DSG1: variants seen among roughly 807,000 people sequenced by gnomAD.
DSG1 encodes the protein desmoglein 1, also known as desmoglein-1.
A neutral mutation model predicts 97.5 loss-of-function variants in DSG1; 39 were observed. That is an observed-to-expected ratio of 0.40 (90% confidence interval 0.31 to 0.52). DSG1 has a LOEUF of 0.52. Ranked by LOEUF, DSG1 falls within the 20% of genes least tolerant of loss-of-function variation. The probability of loss-of-function intolerance (pLI) is 0.53; values close to 1 mark genes in which losing one functional copy is unlikely to be tolerated. For synonymous variants in DSG1, 475 were observed against 443.4 expected (o/e 1.07, Z -0.90); for missense variants, 1,311 against 1,295.4 (o/e 1.01, Z -0.18).
rs2071687647 is a variant in DSG1 at position 31,326,655 on chromosome 18, A to T, written c.84+39A>T. On this transcript the variant is annotated intron_variant, in intron 2 of 14. Coordinates refer to ENST00000257192, the MANE Select transcript of DSG1 (RefSeq NM_001942.4). ...AATCCATTTTTCCAAATTTTTAAAC[A>T]AGAAAATAATTTGAGAATAACAATA... The T allele has an allele frequency of 2.6e-6, 4 of 1,528,640 alleles. No homozygotes were observed. The East Asian group carries it at 9.0e-5, about 34-fold the overall frequency. 94.7% of individuals were successfully genotyped at this position (1,528,640 alleles called of 1,614,324 possible).
At chr18:31,323,847 T>C (rs972049729) in intron 1 of DSG1, among the ~76,000 whole-genome samples, 1 of 152,122 alleles carries the variant, frequency 6.6e-6, no homozygotes, top group Non-Finnish European at 1.5e-5. Context: ...TCAACTTTTT[T>C]ACCTCATCTC....
At chr18:31,337,626 C>T (rs1457310684) in intron 9 of DSG1, among the ~76,000 whole-genome samples, 1 of 152,170 alleles carries the variant, frequency 6.6e-6, no homozygotes, top group East Asian at 1.9e-4. Flanking sequence ...GAAGTCCTGT[C>T]ACACTGTACC....
chr18:31,334,038 A>G lies in DSG1; in HGVS notation c.841A>G (p.Asn281Asp), dbSNP rs1411533388. 6.2e-7 allele frequency: 1 copy of G among 1,609,360 alleles called. No homozygotes were observed. Among genetic ancestry groups the G allele is most frequent in the Admixed American group, 1.7e-5 (1 of 59,994 alleles). ...TCAGTATACCATAGAAATTCAAGAA[A>G]ATACTCTAAATTCAAATTTGCTCGA... ...QSSYTIEIQE[N>D]TLNSNLLEIR... Residue 281 changes from asparagine (N) to aspartate (D), a missense_variant, in exon 8 of 15, where the codon AAT becomes GAT. Transcript: ENST00000257192.
chr18:31,357,509 T>C lies in DSG1; in HGVS notation c.*2163T>C, dbSNP rs543641190. ...ACAGGAAACTTGCTTACTGTTTTGA[T>C]ATGAAATATCATCACAAGCTTTTCT... On this transcript the variant is annotated 3_prime_UTR_variant, in exon 15 of 15. Transcript: ENST00000257192. Among the ~76,000 whole-genome samples the C allele has an allele frequency of 6.6e-6, 1 of 152,190 alleles. No individual in the cohort carries two copies. The highest frequency in any genetic ancestry group is 6.5e-5 in the Admixed American group (1 of 15,292).
Position 31,338,412 on chromosome 18 carries a change from A to G in DSG1, c.1363A>G (p.Met455Val), listed in dbSNP as rs367878087. The part of the protein sequence containing the change: ...KNKVTKEQYN[M>V]LGGKYQGTIL... ...TAAAGTTACCAAGGAACAGTACAAT[A>G]TGCTCGGAGGAAAATACCAAGGAAC... Residue 455 changes from methionine to valine, a missense_variant, in exon 10 of 15, where the codon ATG (methionine) becomes GTG (valine). Physicochemically the swap from Met to Val is conservative, Grantham distance 21. This residue lies in a region of DSG1 where 1,038 missense variants were observed against 964.6 expected (regional missense o/e 1.08). Transcript: ENST00000257192. 7 of 1,613,594 alleles carry G rather than the reference A, an allele frequency of 4.3e-6. No homozygotes were observed. The highest frequency in any genetic ancestry group is 5.1e-6 in the Non-Finnish European group (6 of 1,179,718).
chr18:31,352,925 A>G (rs199818435), intron 14 of DSG1, among the ~76,000 whole-genome samples: 24,631 of 113,334 alleles, frequency 0.22, 1,612 homozygotes, highest in East Asian at 0.42. Flanking sequence ...ATGTCCTCCC[A>G]TAGCTCAGAG....
chr18:31,331,532 A>T (rs1026601765), intron 5 of DSG1, among the ~76,000 whole-genome samples, 169 bp from the exon 6 acceptor site: 1 of 152,102 alleles, frequency 6.6e-6, no homozygotes. Context: ...TTAGGCAAAG[A>T]TATAGAAAAG....
At chr18:31,343,286 CT>C (rs1162200175) in intron 11 of DSG1, 163 bp from the exon 12 acceptor site, 1 of 954,250 alleles carries the variant, frequency 1.0e-6, no homozygotes, top group Non-Finnish European at 1.7e-6. Flanking sequence ...CTCCCATTTA[CT>C]TTGGGGTCTG....
At chr18:31,322,874 A>C (rs530398530) in intron 1 of DSG1, among the ~76,000 whole-genome samples, 13 of 152,306 alleles carry the variant, frequency 8.5e-5, no homozygotes, top group African/African-American at 2.9e-4. Context: ...GGAAGCATGA[A>C]CTTCAATATT....
At chr18:31,324,618 T>G (rs762080011) in intron 1 of DSG1, among the ~76,000 whole-genome samples, 1 of 152,122 alleles carries the variant, frequency 6.6e-6, no homozygotes, top group Non-Finnish European at 1.5e-5. Flanking sequence ...AAAACTGCCA[T>G]CCCCTGAGCT....
chr18:31,324,117 G>A (rs560451573), intron 1 of DSG1, among the ~76,000 whole-genome samples: 1 of 151,006 alleles, frequency 6.6e-6, no homozygotes, highest in African/African-American at 2.4e-5. Context: ...CCAAGTAGCT[G>A]GGACTACAGG....
chr18:31,318,656 T>C (rs1210090393), intron 1 of DSG1, among the ~76,000 whole-genome samples: 4 of 152,046 alleles, frequency 2.6e-5, no homozygotes, highest in African/African-American at 9.7e-5. Flanking sequence ...ACTTTGTCGT[T>C]CAAAATCTCT....
rs775246293 is a variant in DSG1, at chr18:31,336,498, G to C, written c.1150G>C (p.Val384Leu). The C allele has an allele frequency of 5.0e-6, 8 of 1,613,934 alleles. No homozygotes were observed. The highest frequency in any genetic ancestry group is 6.8e-6 in the Non-Finnish European group (8 of 1,179,960). ...TGTGTTAAATGTAATTGAAGGCCCA[G>C]TGTTTCGTCCAGGTTCAAAGACATA... ...VTVLNVIEGP[V>L]FRPGSKTYVV... Residue 384 changes from valine to leucine, a missense_variant, in exon 9 of 15, where the codon GTG (valine) becomes CTG (leucine). Val to Leu is a conservative substitution (Grantham distance 32, BLOSUM62 1). Around this residue, in one of 3 missense-constraint regions of DSG1, gnomAD observed 1,038 missense variants for 964.6 expected, o/e 1.08. Coordinates refer to ENST00000257192, the MANE Select transcript of DSG1 (RefSeq NM_001942.4).
rs1042755 is a variant in DSG1 at position 31,355,110 on chromosome 18, G to A, written c.2914G>A (p.Gly972Ser). 1,566 of 1,613,956 alleles carry A rather than the reference G, an allele frequency of 9.7e-4. 14 individuals carry two copies. The African/African-American group carries it at 0.017, about 18-fold the overall frequency. ...TGISGTTGIS[G>S]GIGSSGLVGT... The stretch of plus-strand genomic sequence containing the variant: ...AATTAGTGGCACCACTGGGATCAGC[G>A]GTGGCATAGGCAGCAGTGGCCTGGT... Residue 972 changes from glycine (G) to serine (S), a missense_variant, in exon 15 of 15, where the codon GGT (glycine) becomes AGT (serine). Gly to Ser is a moderately conservative substitution (Grantham distance 56). Around this residue, in one of 3 missense-constraint regions of DSG1, gnomAD observed 1,038 missense variants for 964.6 expected, o/e 1.08. Transcript: ENST00000257192.
chr18:31,333,401 A>T (rs549692424), intron 6 of DSG1, among the ~76,000 whole-genome samples, 188 bp from the exon 7 acceptor site: 11 of 152,178 alleles, frequency 7.2e-5, no homozygotes, highest in Non-Finnish European at 1.0e-4. Context: ...TGCATCTTTT[A>T]AATAATGCGT....
intron 13 of DSG1, among the ~76,000 whole-genome samples, chr18:31,344,952 G>A (rs1198053495): frequency 1.3e-5 from 2 of 152,024 alleles, no homozygotes; most frequent in African/African-American, 2.4e-5. Flanking sequence ...CAAAGAACTC[G>A]ACACAGTAGT....
At chr18:31,324,452 C>T (rs186681589) in intron 1 of DSG1, among the ~76,000 whole-genome samples, 263 of 152,276 alleles carry the variant, frequency 1.7e-3, no homozygotes, top group Non-Finnish European at 2.9e-3. Flanking sequence ...AGCAGATCTA[C>T]CTCAAATCTA....
chr18:31,324,121 C>T (rs1190976678), intron 1 of DSG1, among the ~76,000 whole-genome samples: 2 of 151,172 alleles, frequency 1.3e-5, no homozygotes, highest in African/African-American at 2.4e-5. Context: ...GTAGCTGGGA[C>T]TACAGGCACG....
At position 31,319,340 on chromosome 18, in the gene DSG1, G is replaced by A. The variant is rs146847549; in HGVS notation, c.48+992G>A. 1.1e-4 allele frequency among the ~76,000 whole-genome samples: 17 copies of A among 152,250 alleles called. No individual in the cohort carries two copies. The East Asian group carries it at 2.9e-3, about 26-fold the overall frequency. On this transcript the variant is annotated intron_variant, in intron 1 of 14. Coordinates refer to ENST00000257192, the MANE Select transcript of DSG1 (RefSeq NM_001942.4). ...TTTCTACTTGCTTAATTTTTGAACT[G>A]GAATGTTGGGTTGGTTGGTATAATA...
Sources: allele counts gnomAD v4.1 joint callset (sites outside exome capture counted in the v4.1 genomes callset), GRCh38; gene constraint gnomAD v4.1.1; regional missense constraint gnomAD v4.1.1; transcripts MANE v1.5; gene names NCBI Gene and HGNC (gene_info 2026-07-23, HGNC 2026-07-21).